Variants in PKHD1 observed in about 807,000 individuals in gnomAD.
The protein encoded by PKHD1 is PKHD1 ciliary IPT domain containing fibrocystin/polyductin, also known as fibrocystin.
PKHD1 carries 291 observed loss-of-function variants against 412.0 expected under a neutral mutation model. The observed-to-expected ratio is 0.71, with a 90% CI of 0.64 to 0.78. The LOEUF is 0.78. Ranked by LOEUF, PKHD1 falls within the 30% of genes least tolerant of loss-of-function variation. PKHD1 has a pLI of 0.00. For missense variants in PKHD1, 4,825 were observed against 4,950.7 expected (o/e 0.97, Z 0.76); for synonymous variants, 1,777 against 1,821.5 (o/e 0.98, Z 0.62).
In PKHD1 at chr6:51,753,368, G is replaced by T. The variant is rs573525939; in HGVS notation, c.8798-15C>A. The T allele has an allele frequency of 8.0e-5, 128 of 1,609,498 alleles. No individual in the cohort carries two copies. The highest frequency in any genetic ancestry group is 1.6e-4 in the South Asian group (15 of 90,956). On this transcript the variant is annotated splice_polypyrimidine_tract_variant and intron_variant, in intron 56 of 66. Transcript: ENST00000371117. ...ATGTACACTTCCTGGGGCAATAGGA[G>T]TTGTGGGAAAAAAAAACTTTAAAAA...
chr6:51,639,206 ACT>A (rs1769007893), intron 63 of PKHD1, among the ~76,000 whole-genome samples: 1 of 152,132 alleles, frequency 6.6e-6, no homozygotes, highest in South Asian at 2.1e-4. Context: ...TTGCCTACAA[ACT>A]ACACAACAAC....
chr6:51,831,048 T>C, intron 51 of PKHD1, 59 bp from the exon 52 acceptor site: 1 of 1,362,752 alleles, frequency 7.3e-7, no homozygotes, highest in Non-Finnish European at 1.0e-6. Flanking sequence ...CCAAATTCTA[T>C]CCTTATTTTA....
rs749029593 is a variant in PKHD1 at position 52,024,751 on chromosome 6, T to A, written c.5059A>T (p.Ile1687Leu). ...ACACCCACACAGGGTGACATTCCTA[T>A]AAAAATGTCAATGTTTGCAGCTCCT... The part of the protein sequence containing the change: ...ISGAANIDIF[I>L]GMSPCVGVSG... Residue 1687 changes from isoleucine (I) to leucine (L), a missense_variant, in exon 32 of 67, where the codon ATA becomes TTA. Ile to Leu is a conservative substitution (Grantham distance 5). Coordinates refer to ENST00000371117, the MANE Select transcript of PKHD1 (RefSeq NM_138694.4). 11 of 1,614,022 alleles carry A rather than the reference T, an allele frequency of 6.8e-6. No individual in the cohort carries two copies. The Admixed American group carries it at 1.7e-4, about 24-fold the overall frequency.
chr6:51,981,587 G>A (rs1358993209), intron 35 of PKHD1, among the ~76,000 whole-genome samples: 3 of 139,236 alleles, frequency 2.2e-5, no homozygotes, highest in Non-Finnish European at 3.3e-5. Context: ...CCGGGGTGCC[G>A]GGATTGCGGA....
At chr6:51,919,080 C>T (rs542844324) in intron 37 of PKHD1, among the ~76,000 whole-genome samples, 3 of 152,240 alleles carry the variant, frequency 2.0e-5, no homozygotes, top group Non-Finnish European at 2.9e-5. Context: ...CTGTAGGTTG[C>T]CTGTTCACTC....
At chr6:51,797,692 G>C (rs1481148201) in intron 52 of PKHD1, among the ~76,000 whole-genome samples, 1 of 152,052 alleles carries the variant, frequency 6.6e-6, no homozygotes, top group Non-Finnish European at 1.5e-5. Context: ...ACCTATGTGT[G>C]TCTTTGCATG....
chr6:51,818,561 AC>A (rs751903115), intron 52 of PKHD1, among the ~76,000 whole-genome samples: 4 of 152,152 alleles, frequency 2.6e-5, no homozygotes, highest in Non-Finnish European at 4.4e-5. Context: ...AAATGTGAAA[AC>A]AAAAAATGTG....
chr6:51,964,673 T>C (rs1792547652), intron 35 of PKHD1, among the ~76,000 whole-genome samples: 4 of 152,168 alleles, frequency 2.6e-5, no homozygotes, highest in Admixed American at 6.5e-5. Context: ...GGACTTATGA[T>C]GCCATAATGA....
At chr6:51,902,222 A>G (rs1156975761) in intron 43 of PKHD1, among the ~76,000 whole-genome samples, 1 of 152,240 alleles carries the variant, frequency 6.6e-6, no homozygotes, top group Non-Finnish European at 1.5e-5. Flanking sequence ...GCTTACAGAC[A>G]TAGAAAGGGC....
At chr6:51,813,734 G>GA (rs1029063381) in intron 52 of PKHD1, among the ~76,000 whole-genome samples, 5 of 152,162 alleles carry the variant, frequency 3.3e-5, no homozygotes, top group Admixed American at 3.3e-4. Flanking sequence ...GATAGGAAAA[G>GA]AAAAGATATC....
chr6:51,668,661 A>C (rs1248881912), intron 60 of PKHD1, among the ~76,000 whole-genome samples: 3 of 152,218 alleles, frequency 2.0e-5, no homozygotes, highest in African/African-American at 7.2e-5. Flanking sequence ...TTGCCCATTC[A>C]GTATGATATT....
intron 39 of PKHD1, among the ~76,000 whole-genome samples, chr6:51,910,050 A>T (rs934227869): frequency 6.6e-6 from 1 of 152,112 alleles, no homozygotes; most frequent in Non-Finnish European, 1.5e-5. Context: ...GACAGCAGCA[A>T]CCTGAGCCTA....
intron 25 of PKHD1, 66 bp downstream of exon 25, chr6:52,044,900 A>C: frequency 6.3e-7 from 1 of 1,582,626 alleles, no homozygotes; most frequent in Non-Finnish European, 8.7e-7. Flanking sequence ...CCATGTTACA[A>C]ATCAGTGAGG....
intron 29 of PKHD1, among the ~76,000 whole-genome samples, chr6:52,032,055 T>C (rs990233681): frequency 1.3e-5 from 2 of 152,212 alleles, no homozygotes; most frequent in African/African-American, 4.8e-5. Flanking sequence ...AGGAAGAATC[T>C]GTACCACTAA....
Position 51,772,783 on chromosome 6 carries a change from T to C in PKHD1, c.8561A>G (p.Tyr2854Cys). ...IHIDPGTIGV[Y>C]GKVHLYSAYP... ...AGCACTGTAAAGATGAACTTTCCCA[T>C]AAACCCCTGAAAATAAAAGGAGTAA... Residue 2854 changes from tyrosine to cysteine, a missense_variant, in exon 55 of 67, where the codon TAT (tyrosine) becomes TGT (cysteine). Transcript: ENST00000371117. The C allele has an allele frequency of 2.6e-6, 4 of 1,565,246 alleles. No individual in the cohort carries two copies. The highest frequency in any genetic ancestry group is 2.6e-6 in the Non-Finnish European group (3 of 1,136,082).
chr6:52,081,961 T>A (rs1417206996), intron 4 of PKHD1, among the ~76,000 whole-genome samples: 1 of 152,270 alleles, frequency 6.6e-6, no homozygotes, highest in South Asian at 2.1e-4. Flanking sequence ...TAAAAATATT[T>A]TCTAAATAGA....
At chr6:51,861,566 A>G (rs1427427234) in intron 48 of PKHD1, among the ~76,000 whole-genome samples, 2 of 152,234 alleles carry the variant, frequency 1.3e-5, no homozygotes, top group African/African-American at 4.8e-5. Flanking sequence ...AAGAAAAATC[A>G]AAACTGTGGG....
intron 16 of PKHD1, among the ~76,000 whole-genome samples, chr6:52,057,487 G>A (rs890132081): frequency 2.0e-5 from 3 of 152,088 alleles, no homozygotes; most frequent in Admixed American, 2.0e-4. Flanking sequence ...CGTGATGCCG[G>A]CTCACTGCAA....
intron 52 of PKHD1, among the ~76,000 whole-genome samples, chr6:51,819,293 A>G (rs912069460): frequency 2.6e-5 from 4 of 152,230 alleles, no homozygotes; most frequent in Non-Finnish European, 5.9e-5. Flanking sequence ...AACAAAAAAA[A>G]GTATTTATCT....
Sources: allele counts gnomAD v4.1 joint callset (sites outside exome capture counted in the v4.1 genomes callset), GRCh38; gene constraint gnomAD v4.1.1; transcripts MANE v1.5; gene names NCBI Gene and HGNC (gene_info 2026-07-23, HGNC 2026-07-21).